Variants in INSYN2B observed in about 807,000 individuals in gnomAD.
The protein encoded by INSYN2B is inhibitory synaptic factor family member 2B, also known as protein INSYN2B.
In INSYN2B, 16 loss-of-function variants were observed where a neutral mutation model predicts 41.2. The observed-to-expected ratio is 0.39, with a 90% CI of 0.26 to 0.59. INSYN2B has a LOEUF of 0.59. INSYN2B is among the 20% of genes least tolerant of loss of function. The pLI, the probability that INSYN2B is intolerant of heterozygous loss-of-function variation, is 0.57. For missense variants in INSYN2B, 608 were observed against 646.4 expected, an observed-to-expected ratio of 0.94 and a Z score of 0.64; for synonymous variants, 245 against 244.4, an observed-to-expected ratio of 1.00 and a Z score of -0.02.
chr5:169,918,331 C>T (rs886330673), intron 1 of INSYN2B, among the ~76,000 whole-genome samples: 1 of 152,096 alleles, frequency 6.6e-6, no homozygotes, highest in Non-Finnish European at 1.5e-5. Flanking sequence ...ATATATAACC[C>T]AGCGATTCTT....
intron 1 of INSYN2B, among the ~76,000 whole-genome samples, chr5:169,885,561 C>A (rs1433038563): frequency 6.6e-6 from 1 of 152,192 alleles, no homozygotes; most frequent in African/African-American, 2.4e-5. Flanking sequence ...TGTGCATGAA[C>A]TTCTCTGAGG....
intron 1 of INSYN2B, among the ~76,000 whole-genome samples, chr5:169,902,582 T>G (rs1460475461): frequency 2.0e-5 from 3 of 152,190 alleles, no homozygotes; most frequent in African/African-American, 7.2e-5. Context: ...GTCAGCTGTT[T>G]TGTAGACTGC....
At chr5:169,961,658 A>T (rs2113745927) in intron 1 of INSYN2B, among the ~76,000 whole-genome samples, 1 of 152,250 alleles carries the variant, frequency 6.6e-6, no homozygotes, top group South Asian at 2.1e-4. Context: ...AGTGCTAAGA[A>T]GGACAAGTAT....
intron 1 of INSYN2B, among the ~76,000 whole-genome samples, chr5:169,894,069 C>T (rs1044264616): frequency 5.9e-5 from 9 of 152,166 alleles, no homozygotes; most frequent in African/African-American, 2.2e-4. Context: ...GTACTAAAAA[C>T]GACAGACTCC....
intron 3 of INSYN2B, among the ~76,000 whole-genome samples, chr5:169,865,060 T>C (rs561031182): frequency 6.6e-6 from 1 of 152,344 alleles, no homozygotes; most frequent in South Asian, 2.1e-4. Context: ...CTCTTTGAAT[T>C]GCATCTCAAC....
At chr5:169,978,665 T>C (rs1777825785) in intron 1 of INSYN2B, among the ~76,000 whole-genome samples, 1 of 152,116 alleles carries the variant, frequency 6.6e-6, no homozygotes, top group Admixed American at 6.6e-5. Context: ...CTCTTTTCCT[T>C]TGGAGCTTCC....
chr5:169,929,604 G>A (rs1277511951), intron 1 of INSYN2B, among the ~76,000 whole-genome samples: 1 of 152,038 alleles, frequency 6.6e-6, no homozygotes, highest in Non-Finnish European at 1.5e-5. Flanking sequence ...TTAGCTGAGT[G>A]TGGTGGCACA....
chr5:169,908,819 A>C (rs1334957970), intron 1 of INSYN2B, among the ~76,000 whole-genome samples: 1 of 149,536 alleles, frequency 6.7e-6, no homozygotes, highest in Non-Finnish European at 1.5e-5. Flanking sequence ...GGTTCAAGCA[A>C]TTCTCCTGCC....
chr5:169,936,361 CA>C (rs1006166757), intron 1 of INSYN2B, among the ~76,000 whole-genome samples: 3 of 152,122 alleles, frequency 2.0e-5, no homozygotes, highest in African/African-American at 7.2e-5. Context: ...TCCTCATCCT[CA>C]AACTCTGAAC....
intron 1 of INSYN2B, among the ~76,000 whole-genome samples, chr5:169,960,550 T>C (rs1194065033): frequency 6.6e-6 from 1 of 152,006 alleles, no homozygotes; most frequent in Non-Finnish European, 1.5e-5. Context: ...CTAAGATAGG[T>C]TTTCAAGGTG....
chr5:169,892,576 G>A (rs541220091), intron 1 of INSYN2B, among the ~76,000 whole-genome samples: 7 of 152,290 alleles, frequency 4.6e-5, no homozygotes, highest in Admixed American at 2.6e-4. Context: ...AGGCCTCTCC[G>A]ATGGATGGGC....
intron 1 of INSYN2B, among the ~76,000 whole-genome samples, chr5:169,932,865 T>TA (rs34887864): frequency 0.098 from 14,745 of 151,098 alleles, 782 homozygotes; most frequent in African/African-American, 0.15. Flanking sequence ...CAGGGCCAAA[T>TA]AAAAAAAAAT....
chr5:169,971,131 G>A (rs1411067300), intron 1 of INSYN2B, among the ~76,000 whole-genome samples: 1 of 151,672 alleles, frequency 6.6e-6, no homozygotes, highest in African/African-American at 2.4e-5. Context: ...CCAGAGGACA[G>A]GGAAGTGGGA....
chr5:169,926,080 T>G (rs1410528971), intron 1 of INSYN2B, among the ~76,000 whole-genome samples: 1 of 152,126 alleles, frequency 6.6e-6, no homozygotes, highest in Non-Finnish European at 1.5e-5. Flanking sequence ...GAAAAGAGAA[T>G]TTCTCTCTTA....
chr5:169,867,784 T>TG (rs1476994686), intron 3 of INSYN2B, among the ~76,000 whole-genome samples: 3 of 152,188 alleles, frequency 2.0e-5, no homozygotes, highest in Non-Finnish European at 4.4e-5. Context: ...CCTATTTGTC[T>TG]GGGGTGTGGT....
intron 1 of INSYN2B, among the ~76,000 whole-genome samples, chr5:169,979,435 C>T (rs1026695814): frequency 1.3e-5 from 2 of 152,186 alleles, no homozygotes; most frequent in Non-Finnish European, 2.9e-5. Context: ...ATCAGAGAAG[C>T]AAAATGTTAT....
chr5:169,905,297 T>G (rs1774215668), intron 1 of INSYN2B, among the ~76,000 whole-genome samples: 1 of 150,888 alleles, frequency 6.6e-6, no homozygotes, highest in East Asian at 2.0e-4. Context: ...GCCAGTGTTT[T>G]TTTTTTTTTT....
chr5:169,920,239 A>G (rs568292159), intron 1 of INSYN2B, among the ~76,000 whole-genome samples: 2 of 152,314 alleles, frequency 1.3e-5, no homozygotes, highest in African/African-American at 4.8e-5. Flanking sequence ...TGGCACCATA[A>G]TAATGATTAT....
chr5:169,885,630 T>C (rs1370596136), intron 1 of INSYN2B, among the ~76,000 whole-genome samples: 1 of 152,264 alleles, frequency 6.6e-6, no homozygotes, highest in African/African-American at 2.4e-5. Context: ...TTTACCATGC[T>C]GAGGACTTTA....
Sources: gnomAD v4.1 joint callset for allele counts (sites outside exome capture counted in the v4.1 genomes callset) on GRCh38, gnomAD v4.1.1 for gene constraint, MANE v1.5 for transcripts, NCBI Gene and HGNC (gene_info 2026-07-23, HGNC 2026-07-21) for gene names.